COL11A1: variants seen among roughly 807,000 people sequenced by gnomAD.
COL11A1 encodes collagen alpha-1(XI) chain.
In COL11A1, 74 loss-of-function variants were observed where a neutral mutation model predicts 265.2. That is an observed-to-expected ratio of 0.28 (90% CI 0.23 to 0.34). COL11A1 has a LOEUF of 0.34. Ranked by LOEUF, COL11A1 falls within the 10% of genes least tolerant of loss-of-function variation. The probability of loss-of-function intolerance (pLI) is 1.00; values close to 1 mark genes in which losing one functional copy is unlikely to be tolerated. For missense variants in COL11A1, 2,165 were observed against 2,263.6 expected, an observed-to-expected ratio of 0.96 and a Z score of 0.88; for synonymous variants, 816 against 727.6, an observed-to-expected ratio of 1.12 and a Z score of -1.96.
At chr1:102,888,433 G>A (rs1429184306) in intron 62 of COL11A1, 144 bp downstream of exon 62, 2 of 728,190 alleles carry the variant, frequency 2.7e-6, no homozygotes, top group Non-Finnish European at 4.8e-6. Flanking sequence ...ATGTAGATTT[G>A]ATTACTTAAA....
chr1:103,009,745 C>T (rs1297896715), intron 14 of COL11A1, among the ~76,000 whole-genome samples: 5 of 152,122 alleles, frequency 3.3e-5, no homozygotes, highest in Admixed American at 3.3e-4. Context: ...TTATAGTCTC[C>T]TGGTGACTCC....
At chr1:102,909,242 C>T (rs534913540) in intron 54 of COL11A1, among the ~76,000 whole-genome samples, 2 of 152,210 alleles carry the variant, frequency 1.3e-5, no homozygotes, top group South Asian at 2.1e-4. Flanking sequence ...ACCTCTGCTG[C>T]CCCTTCTTGC....
In COL11A1 at chr1:102,898,986, A is replaced by G. The variant is rs777269635; in HGVS notation, c.4095T>C (p.Pro1365=). Residue 1365 remains proline (P), a synonymous_variant, in exon 55 of 67, where the codon CCT becomes CCC. Coordinates refer to ENST00000370096, the MANE Select transcript of COL11A1 (RefSeq NM_001854.4). The stretch of plus-strand genomic sequence containing the variant: ...GTCTTCCCTCTGCACCTGCAGCTCC[A>G]GGAGGACCCTATAGACATAAGATTT... The part of the protein sequence containing the change: ...PPGPPGKRGP[P]GAAGAEGRQG... 4 of 1,549,460 alleles carry G rather than the reference A, an allele frequency of 2.6e-6. No homozygotes were observed. The East Asian group carries it at 7.0e-5, about 27-fold the overall frequency.
chr1:102,929,168 T>C (rs369374207), intron 46 of COL11A1, among the ~76,000 whole-genome samples: 2,308 of 131,220 alleles, frequency 0.018, 47 homozygotes, highest in South Asian at 0.052. Context: ...TCCTTGCCCA[T>C]GCCTATGTCC....
At chr1:103,049,100 A>G (rs965725012) in intron 4 of COL11A1, among the ~76,000 whole-genome samples, 1 of 152,192 alleles carries the variant, frequency 6.6e-6, no homozygotes, top group African/African-American at 2.4e-5. Context: ...AGAGTTCTGC[A>G]GATGTCTATT....
Position 102,879,777 on chromosome 1 carries a change from C to G in COL11A1, c.5180G>C (p.Ser1727Thr). The G allele has an allele frequency of 6.2e-7, 1 of 1,613,970 alleles. No homozygotes were observed. The stretch of plus-strand genomic sequence containing the variant: ...CAGGAAGCGAAGTGCTTTGTCATAA[C>G]TTCCTGATGACACATCATACCAGGC... ...SAAWYDVSSG[S>T]YDKALRFLGS... The change falls in exon 66 of 67, where the codon AGT (serine) becomes ACT (threonine). Residue 1727 changes from serine to threonine, a missense_variant. Transcript: ENST00000370096.
intron 49 of COL11A1, among the ~76,000 whole-genome samples, chr1:102,917,412 C>T (rs934564133): frequency 2.5e-4 from 38 of 152,018 alleles, no homozygotes; most frequent in Middle Eastern, 6.8e-3. Flanking sequence ...GAAAACTCTT[C>T]TGGACATTGG....
At chr1:103,070,586 T>C (rs1032960765) in intron 4 of COL11A1, among the ~76,000 whole-genome samples, 2 of 151,900 alleles carry the variant, frequency 1.3e-5, no homozygotes, top group African/African-American at 4.8e-5. Context: ...ATAAGGAATC[T>C]CTTGGGTGAG....
chr1:103,094,724 T>A lies in COL11A1; in HGVS notation c.107-11752A>T, dbSNP rs932531860. Among the ~76,000 whole-genome samples the A allele has an allele frequency of 2.0e-5, 3 of 152,264 alleles. No individual in the cohort carries two copies. In the East Asian group the frequency reaches 5.8e-4, roughly 29 times the overall value. On this transcript the variant is annotated intron_variant, in intron 1 of 66. Transcript: ENST00000370096. The stretch of plus-strand genomic sequence containing the variant: ...TCTTAAGAACATTTTCTGTTCTCTA[T>A]TGTAAGAATACAGCATAAAATATAT...
At chr1:103,002,720 G>A (rs565921681) in intron 22 of COL11A1, 27 bp downstream of exon 22, 6 of 1,593,472 alleles carry the variant, frequency 3.8e-6, no homozygotes, top group South Asian at 1.1e-5. Flanking sequence ...TCAAATATGA[G>A]TTATTTTATC....
intron 35 of COL11A1, among the ~76,000 whole-genome samples, chr1:102,975,948 T>C (rs1662423611): frequency 6.6e-6 from 1 of 152,050 alleles, no homozygotes; most frequent in Non-Finnish European, 1.5e-5. Context: ...TTCAAAGTTA[T>C]ATATAAAGTT....
At position 103,067,790 on chromosome 1, in the gene COL11A1, A is replaced by G. The variant is rs565308302; in HGVS notation, c.651+6828T>C. Among the ~76,000 whole-genome samples, 53 of 151,770 alleles carry G rather than the reference A, an allele frequency of 3.5e-4. No homozygotes were observed. The South Asian group carries it at 0.01, about 30-fold the overall frequency. On this transcript the variant is annotated intron_variant, in intron 4 of 66. Coordinates refer to ENST00000370096, the MANE Select transcript of COL11A1 (RefSeq NM_001854.4). Reference sequence around the variant, plus strand: ...TTCAGTAGAAATTTTAAAGATATTAAAATTTAAAATAATGAAATGCTACAA... The same window carrying G: ...TTCAGTAGAAATTTTAAAGATATTAGAATTTAAAATAATGAAATGCTACAA...
intron 54 of COL11A1, among the ~76,000 whole-genome samples, chr1:102,908,898 G>T (rs1654314979): frequency 6.6e-6 from 1 of 152,004 alleles, no homozygotes; most frequent in Non-Finnish European, 1.5e-5. Flanking sequence ...ATACTGGCAG[G>T]AATGAGAGTA....
intron 11 of COL11A1, 63 bp downstream of exon 11, chr1:103,017,757 A>G (rs1571048706): frequency 3.5e-5 from 48 of 1,381,308 alleles, no homozygotes; most frequent in Non-Finnish European, 5.0e-5. Flanking sequence ...TGTAGAATAC[A>G]TTTTAATTAT....
intron 41 of COL11A1, among the ~76,000 whole-genome samples, chr1:102,952,518 G>A (rs574843772): frequency 3.9e-5 from 6 of 152,242 alleles, no homozygotes; most frequent in Non-Finnish European, 7.4e-5. Context: ...AATTAGTGTA[G>A]AGAATATATT....
At chr1:103,059,905 C>T (rs979619283) in intron 4 of COL11A1, among the ~76,000 whole-genome samples, 1 of 151,802 alleles carries the variant, frequency 6.6e-6, no homozygotes, top group Admixed American at 6.6e-5. Flanking sequence ...TGTAATTACA[C>T]ACAATAGGAA....
chr1:103,054,940 ACACT>A (rs1670124836), intron 4 of COL11A1, among the ~76,000 whole-genome samples: 1 of 152,154 alleles, frequency 6.6e-6, no homozygotes, highest in Non-Finnish European at 1.5e-5. Context: ...CACTCATAAA[ACACT>A]CAATACTGCA....
rs1206653582 is a variant in COL11A1, at chr1:102,988,632, C to A, written c.2394+886G>T. On this transcript the variant is annotated intron_variant, in intron 29 of 66. Coordinates refer to ENST00000370096, the MANE Select transcript of COL11A1 (RefSeq NM_001854.4). ...CTTGAAAGTGTTTGACTTAATCAAT[C>A]TTTTCATATTTAATAAACAACTGAA... Among the ~76,000 whole-genome samples the A allele has an allele frequency of 2.0e-5, 3 of 151,426 alleles. No homozygotes were observed. In the East Asian group the frequency reaches 5.8e-4, roughly 29 times the overall value.
intron 57 of COL11A1, among the ~76,000 whole-genome samples, chr1:102,893,435 TATG>T (rs1330242798): frequency 6.6e-6 from 1 of 152,100 alleles, no homozygotes; most frequent in Non-Finnish European, 1.5e-5. Context: ...TAGAAATTGG[TATG>T]ATATCGAGAG....
Sources: gnomAD v4.1 joint callset for allele counts (sites outside exome capture counted in the v4.1 genomes callset) on GRCh38, gnomAD v4.1.1 for gene constraint, MANE v1.5 for transcripts, NCBI Gene and HGNC (gene_info 2026-07-23, HGNC 2026-07-21) for gene names.